Variants in MIS18BP1 observed in about 807,000 individuals in gnomAD.
The protein encoded by MIS18BP1 is MIS18 binding protein 1.
MIS18BP1 carries 72 observed loss-of-function variants against 116.1 expected under a neutral mutation model. The observed-to-expected ratio is 0.62, with a 90% confidence interval of 0.51 to 0.75. The LOEUF (loss-of-function observed/expected upper bound fraction) is 0.75, where lower values mean the gene tolerates loss of function less well. Among genes scored for constraint, MIS18BP1 ranks in the 30% least tolerant of loss-of-function variants. MIS18BP1 has a pLI of 0.00. For missense variants in MIS18BP1, 1,363 were observed against 1,303.2 expected (o/e 1.05, Z -0.71); for synonymous variants, 386 against 427.0 (o/e 0.90, Z 1.18).
intron 11 of MIS18BP1, among the ~76,000 whole-genome samples, chr14:45,220,648 G>T (rs1230098068): frequency 2.0e-5 from 3 of 152,114 alleles, no homozygotes; most frequent in South Asian, 4.1e-4. Context: ...ATTCAACCAG[G>T]TTGTTGTATG....
intron 8 of MIS18BP1, among the ~76,000 whole-genome samples, chr14:45,229,811 G>C (rs377585788): frequency 6.6e-6 from 1 of 152,048 alleles, no homozygotes; most frequent in Non-Finnish European, 1.5e-5. Flanking sequence ...AAGCCCCAAG[G>C]TTCCAGCATA....
At chr14:45,238,172 A>C (rs1411106698) in intron 4 of MIS18BP1, among the ~76,000 whole-genome samples, 2 of 151,950 alleles carry the variant, frequency 1.3e-5, no homozygotes, top group Non-Finnish European at 2.9e-5. Flanking sequence ...CAAACTAAAA[A>C]GGTAACTGCT....
intron 14 of MIS18BP1, among the ~76,000 whole-genome samples, chr14:45,207,126 GTTGTTT>G (rs1203198880): frequency 1.3e-5 from 2 of 151,102 alleles, no homozygotes; most frequent in African/African-American, 4.8e-5. Flanking sequence ...AGAATTGTTG[GTTGTTT>G]TTAATTCCCT....
At chr14:45,224,769 C>G in intron 10 of MIS18BP1, 23 bp from the exon 11 acceptor site, 1 of 1,477,260 alleles carries the variant, frequency 6.8e-7, no homozygotes, top group East Asian at 2.3e-5. Flanking sequence ...AAGACAAAAC[C>G]AAAGACCAAA....
chr14:45,221,256 G>A (rs1017918358), intron 11 of MIS18BP1, among the ~76,000 whole-genome samples: 9 of 152,176 alleles, frequency 5.9e-5, no homozygotes, highest in African/African-American at 2.2e-4. Context: ...GGCTAACACG[G>A]TGAAACCCCG....
intron 1 of MIS18BP1, among the ~76,000 whole-genome samples, chr14:45,252,413 A>G (rs1193783656): frequency 2.0e-5 from 3 of 152,264 alleles, no homozygotes; most frequent in Non-Finnish European, 4.4e-5. Context: ...TTTTAAGTAA[A>G]TAAATAAAAC....
At chr14:45,229,659 C>T (rs1407955387) in intron 8 of MIS18BP1, among the ~76,000 whole-genome samples, 1 of 152,088 alleles carries the variant, frequency 6.6e-6, no homozygotes, top group African/African-American at 2.4e-5. Context: ...AAGATCAAAT[C>T]CCTAATAAGT....
intron 9 of MIS18BP1, among the ~76,000 whole-genome samples, chr14:45,227,170 T>G (rs1891144155): frequency 3.3e-5 from 5 of 152,142 alleles, no homozygotes; most frequent in Admixed American, 3.3e-4. Context: ...AAAATAAATA[T>G]CAAGACATTC....
At chr14:45,223,420 T>C (rs2139180981) in intron 11 of MIS18BP1, among the ~76,000 whole-genome samples, 1 of 152,132 alleles carries the variant, frequency 6.6e-6, no homozygotes, top group Non-Finnish European at 1.5e-5. Context: ...CTACTAAAAA[T>C]ATAAAAATTA....
intron 4 of MIS18BP1, among the ~76,000 whole-genome samples, chr14:45,239,729 G>T (rs1159803215): frequency 6.6e-6 from 1 of 152,180 alleles, no homozygotes. Flanking sequence ...ACTGAAAAAG[G>T]AGAAAAGCAA....
chr14:45,223,066 A>AAAAACAAAACAAAAC (rs79248229), intron 11 of MIS18BP1, among the ~76,000 whole-genome samples: 14 of 151,988 alleles, frequency 9.2e-5, no homozygotes, highest in Admixed American at 3.3e-4. Context: ...GAGAAAAGAC[A>AAAAACAAAACAAAAC]AAAACAAAAC....
intron 8 of MIS18BP1, among the ~76,000 whole-genome samples, 181 bp downstream of exon 8, chr14:45,230,960 G>A (rs1045956483): frequency 4.6e-5 from 7 of 152,208 alleles, no homozygotes; most frequent in Admixed American, 1.3e-4. Flanking sequence ...TCCTGACCAT[G>A]ATTAATCTGT....
chr14:45,233,540 G>T (rs1891344883), intron 6 of MIS18BP1, among the ~76,000 whole-genome samples: 1 of 152,132 alleles, frequency 6.6e-6, no homozygotes. Flanking sequence ...AGGGAAGAAA[G>T]AATGAGACCA....
chr14:45,205,226 T>C (rs1311785826), intron 15 of MIS18BP1, among the ~76,000 whole-genome samples: 1 of 152,120 alleles, frequency 6.6e-6, no homozygotes, highest in Non-Finnish European at 1.5e-5. Context: ...AACACTGCAT[T>C]ATATCATTTA....
intron 1 of MIS18BP1, among the ~76,000 whole-genome samples, chr14:45,251,444 T>C (rs1039678177): frequency 1.2e-4 from 18 of 152,154 alleles, no homozygotes; most frequent in African/African-American, 3.4e-4. Context: ...TATATGATCC[T>C]GAATGTAACT....
At chr14:45,209,630 TC>T (rs745990565) in intron 14 of MIS18BP1, among the ~76,000 whole-genome samples, 7 of 152,194 alleles carry the variant, frequency 4.6e-5, no homozygotes, top group Non-Finnish European at 1.0e-4. Flanking sequence ...TTCATTAATT[TC>T]TATGACTATA....
chr14:45,231,033 A>AATACT, intron 8 of MIS18BP1, 108 bp downstream of exon 8: 2 of 1,112,100 alleles, frequency 1.8e-6, no homozygotes, highest in Non-Finnish European at 2.5e-6. Flanking sequence ...TAAGTCAAAG[A>AATACT]ATACTATACT....
At chr14:45,230,944 G>A (rs1891255984) in intron 8 of MIS18BP1, among the ~76,000 whole-genome samples, 197 bp downstream of exon 8, 1 of 152,162 alleles carries the variant, frequency 6.6e-6, no homozygotes. Flanking sequence ...GATGAAGCAA[G>A]CTGAATCCTG....
chr14:45,212,936 GTA>G (rs1890715282), intron 13 of MIS18BP1, among the ~76,000 whole-genome samples: 2 of 152,172 alleles, frequency 1.3e-5, no homozygotes, highest in African/African-American at 4.8e-5. Context: ...TCTTCTGAGA[GTA>G]CTTTCTTTCC....
Sources: allele counts gnomAD v4.1 joint callset (sites outside exome capture counted in the v4.1 genomes callset), GRCh38; gene constraint gnomAD v4.1.1; transcripts MANE v1.5; gene names NCBI Gene and HGNC (gene_info 2026-07-23, HGNC 2026-07-21).